The following KIAA1328 variants were observed in gnomAD, a reference collection of about 807,000 sequenced individuals.
The protein encoded by KIAA1328 is KIAA1328.
Under a neutral mutation model 68.1 loss-of-function variants are expected in KIAA1328, and 52 were observed. That is an observed-to-expected ratio of 0.76 (90% CI 0.61 to 0.96). The LOEUF (loss-of-function observed/expected upper bound fraction) is 0.96, where lower values mean the gene tolerates loss of function less well. Ranked by LOEUF, KIAA1328 falls within the 40% of genes least tolerant of loss-of-function variation. The probability of loss-of-function intolerance (pLI) is 0.00; values close to 1 mark genes in which losing one functional copy is unlikely to be tolerated. For missense variants in KIAA1328, 641 were observed against 677.6 expected (o/e 0.95, Z 0.60); for synonymous variants, 232 against 239.4 (o/e 0.97, Z 0.28).
chr18:36,988,969 A>C (rs2151404555), intron 6 of KIAA1328, among the ~76,000 whole-genome samples: 1 of 152,336 alleles, frequency 6.6e-6, no homozygotes, highest in Admixed American at 6.5e-5. Context: ...AACAGTACCT[A>C]GCATGCAGTA....
intron 6 of KIAA1328, among the ~76,000 whole-genome samples, chr18:36,987,507 T>C (rs900362119): frequency 3.3e-5 from 2 of 61,062 alleles, no homozygotes; most frequent in Non-Finnish European, 4.3e-5. Context: ...AATAAATAAA[T>C]AAAAATAAAA....
At chr18:37,058,814 C>A (rs1283255597) in intron 6 of KIAA1328, among the ~76,000 whole-genome samples, 4 of 152,046 alleles carry the variant, frequency 2.6e-5, no homozygotes, top group African/African-American at 9.7e-5. Flanking sequence ...AAGTTACTCC[C>A]CTAAAGGTCA....
intron 5 of KIAA1328, among the ~76,000 whole-genome samples, chr18:36,951,287 T>C (rs1396625689): frequency 6.6e-6 from 1 of 152,224 alleles, no homozygotes; most frequent in African/African-American, 2.4e-5. Context: ...CTAAAGGAGA[T>C]AGTGTTAGTC....
intron 2 of KIAA1328, among the ~76,000 whole-genome samples, chr18:36,834,990 G>A (rs1199351500): frequency 6.6e-6 from 1 of 152,016 alleles, no homozygotes; most frequent in Non-Finnish European, 1.5e-5. Flanking sequence ...ATAGACATAG[G>A]AAGACCCTGT....
intron 7 of KIAA1328, among the ~76,000 whole-genome samples, chr18:37,116,382 A>G (rs2058107444): frequency 6.6e-6 from 1 of 152,228 alleles, no homozygotes; most frequent in South Asian, 2.1e-4. Flanking sequence ...CTGACCTTTG[A>G]CAAACCTGAC....
At chr18:36,998,779 A>T (rs2053487192) in intron 6 of KIAA1328, among the ~76,000 whole-genome samples, 1 of 152,366 alleles carries the variant, frequency 6.6e-6, no homozygotes, top group East Asian at 1.9e-4. Flanking sequence ...TTTAGGAAAA[A>T]GTTCTCCCCT....
Position 37,102,187 on chromosome 18 carries a change from A to G in KIAA1328, c.1232+34642A>G, listed in dbSNP as rs148446082. ...AAGTGGGGTTTATGCCAGGAATGCAAAGATGCTTCAACATATGCAATTCAC... is the reference window on the plus strand; with the variant it reads ...AAGTGGGGTTTATGCCAGGAATGCAGAGATGCTTCAACATATGCAATTCAC... On this transcript the variant is annotated intron_variant, in intron 7 of 9. Coordinates refer to ENST00000280020, the MANE Select transcript of KIAA1328 (RefSeq NM_020776.3). Among the ~76,000 whole-genome samples, 32 of 152,354 alleles carry G rather than the reference A, an allele frequency of 2.1e-4. No individual in the cohort carries two copies. The East Asian group carries it at 4.2e-3, about 20-fold the overall frequency.
intron 6 of KIAA1328, among the ~76,000 whole-genome samples, chr18:37,065,706 T>C (rs2056315544): frequency 6.6e-6 from 1 of 152,222 alleles, no homozygotes; most frequent in Non-Finnish European, 1.5e-5. Flanking sequence ...TACACATTAA[T>C]ATCTTTCATT....
intron 9 of KIAA1328, among the ~76,000 whole-genome samples, chr18:37,209,935 A>G (rs2060285070): frequency 6.6e-6 from 1 of 152,234 alleles, no homozygotes; most frequent in Non-Finnish European, 1.5e-5. Flanking sequence ...AATGGATAGC[A>G]TCACCTAAGA....
chr18:37,017,037 A>G (rs1450853234), intron 6 of KIAA1328, among the ~76,000 whole-genome samples: 3 of 152,082 alleles, frequency 2.0e-5, no homozygotes, highest in East Asian at 3.9e-4. Context: ...TTGTTTCTCT[A>G]GTTCCTCTAG....
intron 6 of KIAA1328, among the ~76,000 whole-genome samples, chr18:36,967,506 G>T (rs1350829933): frequency 6.6e-6 from 1 of 152,146 alleles, no homozygotes; most frequent in Non-Finnish European, 1.5e-5. Flanking sequence ...TAATGAATTT[G>T]GGTTATTTTA....
intron 7 of KIAA1328, among the ~76,000 whole-genome samples, chr18:37,134,660 A>G (rs151028612): frequency 6.6e-6 from 1 of 152,352 alleles, no homozygotes; most frequent in African/African-American, 2.4e-5. Context: ...AAAGGCAAAT[A>G]ACACCTTCAT....
At chr18:37,215,476 C>G (rs995978100) in intron 9 of KIAA1328, among the ~76,000 whole-genome samples, 1 of 152,172 alleles carries the variant, frequency 6.6e-6, no homozygotes, top group Non-Finnish European at 1.5e-5. Flanking sequence ...GTCGAACCAG[C>G]CTTGCATCCC....
intron 7 of KIAA1328, among the ~76,000 whole-genome samples, chr18:37,083,360 T>G (rs1290357366): frequency 2.6e-5 from 4 of 152,232 alleles, no homozygotes; most frequent in African/African-American, 9.6e-5. Flanking sequence ...GCATGTCTTT[T>G]GACAATGATG....
At chr18:36,962,819 CTGTGTA>C (rs2051745435) in intron 6 of KIAA1328, among the ~76,000 whole-genome samples, 1 of 152,144 alleles carries the variant, frequency 6.6e-6, no homozygotes. Flanking sequence ...ATTTAAAGCA[CTGTGTA>C]GAGGGAAATT....
chr18:37,027,453 C>T (rs1305354145), intron 6 of KIAA1328, among the ~76,000 whole-genome samples: 1 of 152,204 alleles, frequency 6.6e-6, no homozygotes, highest in Non-Finnish European at 1.5e-5. Flanking sequence ...CATCACGCTA[C>T]CTGACTTCAA....
intron 7 of KIAA1328, among the ~76,000 whole-genome samples, chr18:37,120,827 C>CAATA (rs1352184934): frequency 6.6e-6 from 1 of 152,078 alleles, no homozygotes; most frequent in Non-Finnish European, 1.5e-5. Context: ...TAAAGCTCCA[C>CAATA]TTTATTAGAA....
At chr18:37,230,344 CTT>C (rs933546782), downstream of KIAA1328, 4 of 152,264 alleles carry the variant, frequency 2.6e-5, no homozygotes, top group African/African-American at 9.6e-5. Flanking sequence ...CTCTATTCCT[CTT>C]GACTTCCGTG....
At chr18:37,010,441 TAAAAAAAAAAAAAA>T (rs59927777) in intron 6 of KIAA1328, among the ~76,000 whole-genome samples, 118 of 90,294 alleles carry the variant, frequency 1.3e-3, no homozygotes, top group East Asian at 3.6e-3. Context: ...AGACACCATC[TAAAAAAAAAAAAAA>T]AAAAAAAAAA....
Sources: allele counts gnomAD v4.1 joint callset (sites outside exome capture counted in the v4.1 genomes callset), GRCh38; gene constraint gnomAD v4.1.1; transcripts MANE v1.5; gene names NCBI Gene and HGNC (gene_info 2026-07-23, HGNC 2026-07-21).